Variants in PHKB observed in about 807,000 individuals in gnomAD.
PHKB encodes phosphorylase kinase regulatory subunit beta, also known as phosphorylase b kinase regulatory subunit beta.
Under a neutral mutation model 152.1 loss-of-function variants are expected in PHKB, and 122 were observed. The observed-to-expected ratio is 0.80, with a 90% CI of 0.69 to 0.93. PHKB has a LOEUF of 0.93. Ranked by LOEUF, PHKB falls within the 40% of genes least tolerant of loss-of-function variation. The pLI, the probability that PHKB is intolerant of heterozygous loss-of-function variation, is 0.00. For synonymous variants in PHKB, 436 were observed against 464.9 expected (o/e 0.94, Z 0.80); for missense variants, 1,304 against 1,328.4 (o/e 0.98, Z 0.29).
intron 6 of PHKB, among the ~76,000 whole-genome samples, chr16:47,518,867 G>A (rs1028006046): frequency 6.6e-6 from 1 of 152,072 alleles, no homozygotes; most frequent in African/African-American, 2.4e-5. Flanking sequence ...CTGCTACGTG[G>A]CGTTCCATGT....
chr16:47,527,761 A>T (rs1375891854), intron 6 of PHKB, among the ~76,000 whole-genome samples: 1 of 152,162 alleles, frequency 6.6e-6, no homozygotes, highest in Non-Finnish European at 1.5e-5. Context: ...CCTTGGGTGA[A>T]ACCTAATCCA....
At chr16:47,582,282 C>G (rs961345381) in intron 8 of PHKB, among the ~76,000 whole-genome samples, 2 of 152,188 alleles carry the variant, frequency 1.3e-5, no homozygotes, top group Non-Finnish European at 2.9e-5. Context: ...ATGTTGCTTA[C>G]ATACCTGTAT....
rs536391688 is a variant in PHKB at position 47,523,523 on chromosome 16, G to T, written c.594+7922G>T. On this transcript the variant is annotated intron_variant, in intron 6 of 30. Coordinates refer to ENST00000323584, the MANE Select transcript of PHKB (RefSeq NM_000293.3). ...CATAACTTGAAAGCTCTCATAGGAA[G>T]TGCCCAATTCTACTTGAGCTTTCAC... Among the ~76,000 whole-genome samples, 8 of 152,308 alleles carry T rather than the reference G, an allele frequency of 5.3e-5. No individual in the cohort carries two copies. The South Asian group carries it at 1.7e-3, about 32-fold the overall frequency.
intron 29 of PHKB, 53 bp downstream of exon 29, chr16:47,696,541 G>A: frequency 4.0e-6 from 4 of 988,232 alleles, no homozygotes; most frequent in Non-Finnish European, 4.9e-6. Flanking sequence ...TCTGCTCCGT[G>A]AAAACTAGTA....
chr16:47,564,355 T>C (rs1460790319), intron 7 of PHKB, among the ~76,000 whole-genome samples: 1 of 152,176 alleles, frequency 6.6e-6, no homozygotes, highest in African/African-American at 2.4e-5. Context: ...TTTGACTTTT[T>C]AATAATGGTA....
At chr16:47,470,319 G>A (rs1969743328) in intron 1 of PHKB, among the ~76,000 whole-genome samples, 1 of 152,192 alleles carries the variant, frequency 6.6e-6, no homozygotes, top group Admixed American at 6.5e-5. Context: ...TAAAGGAATG[G>A]GTTGGGCAAG....
intron 13 of PHKB, among the ~76,000 whole-genome samples, chr16:47,609,549 GTGTT>G (rs1474494440): frequency 0.013 from 1,960 of 145,358 alleles, 38 homozygotes; most frequent in African/African-American, 0.051. Flanking sequence ...ATGTGTGTGT[GTGTT>G]TGTGTGTGTG....
chr16:47,658,239 C>T (rs1973373419), intron 20 of PHKB, among the ~76,000 whole-genome samples: 1 of 152,146 alleles, frequency 6.6e-6, no homozygotes, highest in Admixed American at 6.5e-5. Flanking sequence ...GCACTTGCCA[C>T]TCCCAGCCCT....
chr16:47,595,908 C>T (rs1972109637), intron 12 of PHKB, among the ~76,000 whole-genome samples: 1 of 152,114 alleles, frequency 6.6e-6, no homozygotes, highest in Non-Finnish European at 1.5e-5. Flanking sequence ...AATCTGTTGC[C>T]TCCTGTATAA....
chr16:47,689,018 A>T, intron 26 of PHKB, 23 bp from the exon 27 acceptor site: 1 of 1,613,504 alleles, frequency 6.2e-7, no homozygotes, highest in Non-Finnish European at 8.5e-7. Context: ...TTATTGATTC[A>T]TGCTTCCCCT....
chr16:47,655,344 A>G (rs900511608), intron 20 of PHKB, among the ~76,000 whole-genome samples: 1 of 152,192 alleles, frequency 6.6e-6, no homozygotes, highest in Non-Finnish European at 1.5e-5. Context: ...TTTTAAGAAG[A>G]AATCAAAATA....
chr16:47,474,450 T>G (rs1005042659), intron 1 of PHKB, among the ~76,000 whole-genome samples: 1 of 152,198 alleles, frequency 6.6e-6, no homozygotes, highest in South Asian at 2.1e-4. Flanking sequence ...TAGTTCCTCT[T>G]CGTACATATT....
chr16:47,520,579 A>T (rs906096855), intron 6 of PHKB, among the ~76,000 whole-genome samples: 1 of 152,206 alleles, frequency 6.6e-6, no homozygotes, highest in Non-Finnish European at 1.5e-5. Context: ...GTCATGTGGC[A>T]ACATCATATT....
Position 47,593,478 on chromosome 16 carries a change from A to C in PHKB, c.1069-22A>C, listed in dbSNP as rs138958556. 2,163 of 1,204,368 alleles carry C rather than the reference A, an allele frequency of 1.8e-3. 39 individuals are homozygous for C. The African/African-American group carries it at 0.029, about 16-fold the overall frequency. 74.6% of individuals were successfully genotyped at this position (1,204,368 alleles called of 1,614,324 possible). A position where few individuals can be genotyped will look rare whatever the true frequency, so the allele number is the denominator to read the frequency against. On this transcript the variant is annotated intron_variant, in intron 10 of 30. Transcript: ENST00000323584. ...TAATTTAATTGTTAGTGTAAAATTT[A>C]ATGTTTTATTTTCTGTTTTAGCTAT...
intron 1 of PHKB, among the ~76,000 whole-genome samples, chr16:47,491,951 A>T (rs1176543655): frequency 6.6e-6 from 1 of 152,216 alleles, no homozygotes; most frequent in Non-Finnish European, 1.5e-5. Flanking sequence ...GTCCTTTTAA[A>T]ATTTCTTAAT....
chr16:47,555,124 A>G (rs1971346010), intron 7 of PHKB, among the ~76,000 whole-genome samples: 1 of 152,160 alleles, frequency 6.6e-6, no homozygotes, highest in Non-Finnish European at 1.5e-5. Flanking sequence ...CTTTTATTCC[A>G]TATGGTGCTT....
intron 6 of PHKB, among the ~76,000 whole-genome samples, chr16:47,523,103 G>A (rs1970712876): frequency 6.6e-6 from 1 of 151,510 alleles, no homozygotes; most frequent in Non-Finnish European, 1.5e-5. Context: ...TTGATTTAAA[G>A]TCTTTGTCTA....
intron 6 of PHKB, among the ~76,000 whole-genome samples, chr16:47,545,878 G>A (rs1434700758): frequency 2.0e-5 from 3 of 151,914 alleles, no homozygotes; most frequent in East Asian, 1.9e-4. Flanking sequence ...CCACTTGATC[G>A]AATTGGCTAC....
chr16:47,527,412 A>G (rs996281752), intron 6 of PHKB, among the ~76,000 whole-genome samples: 10 of 152,164 alleles, frequency 6.6e-5, no homozygotes, highest in Non-Finnish European at 1.0e-4. Context: ...AAGATTAACA[A>G]TATAAACTGA....
Sources: gnomAD v4.1 joint callset for allele counts (sites outside exome capture counted in the v4.1 genomes callset) on GRCh38, gnomAD v4.1.1 for gene constraint, MANE v1.5 for transcripts, NCBI Gene and HGNC (gene_info 2026-07-23, HGNC 2026-07-21) for gene names.